SKI: variants seen among roughly 807,000 people sequenced by gnomAD.
SKI encodes SKI proto-oncogene, also known as ski oncogene.
Under a neutral mutation model 59.3 loss-of-function variants are expected in SKI, and 23 were observed. The observed-to-expected ratio is 0.39, with a 90% CI of 0.28 to 0.55. SKI has a LOEUF of 0.55. Among genes scored for constraint, SKI ranks in the 20% least tolerant of loss-of-function variants. The probability of loss-of-function intolerance (pLI) is 0.67; values close to 1 mark genes in which losing one functional copy is unlikely to be tolerated. For synonymous variants in SKI, 673 were observed against 488.6 expected (o/e 1.38, Z -4.98); for missense variants, 1,017 against 1,038.9 (o/e 0.98, Z 0.29).
chr1:2,237,986 C>A (rs1638788027), intron 1 of SKI, among the ~76,000 whole-genome samples: 1 of 152,200 alleles, frequency 6.6e-6, no homozygotes, highest in African/African-American at 2.4e-5. Flanking sequence ...GGGCGTCTCT[C>A]CCCGGTGCCC....
rs151153299 is a variant in SKI at position 2,290,805 on chromosome 1, C to T, written c.970-12173C>T. ...GGGGATGGCAGGACGCATTGTCACC[C>T]CCTCCTGCCGCTCTTACGAAACACT... On this transcript the variant is annotated intron_variant, in intron 1 of 6. Transcript: ENST00000378536. 7.0e-3 allele frequency among the ~76,000 whole-genome samples: 1,070 copies of T among 152,304 alleles called. 15 individuals carry two copies. The highest frequency in any genetic ancestry group is 0.024 in the African/African-American group (1,012 of 41,570).
intron 1 of SKI, among the ~76,000 whole-genome samples, chr1:2,272,092 G>A (rs1393746945): frequency 6.6e-6 from 1 of 152,204 alleles, no homozygotes; most frequent in Non-Finnish European, 1.5e-5. Flanking sequence ...CCAGGCCTGC[G>A]TCCTGCAAAG....
chr1:2,288,429 T>G (rs1640091641), intron 1 of SKI, among the ~76,000 whole-genome samples: 1 of 152,236 alleles, frequency 6.6e-6, no homozygotes, highest in South Asian at 2.1e-4. Flanking sequence ...GCAGGGCTGT[T>G]TACTTAAAGG....
chr1:2,250,141 A>G (rs1639106649), intron 1 of SKI, among the ~76,000 whole-genome samples: 1 of 152,154 alleles, frequency 6.6e-6, no homozygotes, highest in African/African-American at 2.4e-5. Flanking sequence ...CCTGACCTCA[A>G]GTGATGCAGC....
In SKI at chr1:2,303,351, G is replaced by A. The variant is rs376736872; in HGVS notation, c.1162G>A (p.Ala388Thr). 2.9e-5 allele frequency: 47 copies of A among 1,613,694 alleles called. No individual in the cohort carries two copies. The highest frequency in any genetic ancestry group is 3.7e-5 in the Non-Finnish European group (44 of 1,180,046). The stretch of plus-strand genomic sequence containing the variant: ...CCGACCCTGGTCCCCCGCAGTGTCA[G>A]CGAGTGAGAAAGAGCTCTCCCCACA... ...AFRPWSPAVSASEKELSPHLP... is the reference protein window; with the variant it reads ...AFRPWSPAVSTSEKELSPHLP... The change falls in exon 3 of 7, where the codon GCG becomes ACG. Residue 388 changes from alanine (A) to threonine (T), a missense_variant. Coordinates refer to ENST00000378536, the MANE Select transcript of SKI (RefSeq NM_003036.4). The surrounding 1 kb of genome is among the most constrained non-coding windows in gnomAD (Gnocchi z 5.6).
rs1638742157 is a variant in SKI at position 2,235,976 on chromosome 1, C to T, written c.969+6241C>T. On this transcript the variant is annotated intron_variant, in intron 1 of 6. Transcript: ENST00000378536. ...AAGGGGGCTTTGAGAGGCGTCTCGG[C>T]GTGATCCTGGGAAACGGCCGAGATT... Among the ~76,000 whole-genome samples, 3 of 152,212 alleles carry T rather than the reference C, an allele frequency of 2.0e-5. No individual in the cohort carries two copies. In the South Asian group the frequency reaches 6.2e-4, roughly 31 times the overall value.
intron 1 of SKI, among the ~76,000 whole-genome samples, chr1:2,250,064 C>G (rs531678792): frequency 6.6e-6 from 1 of 152,112 alleles, no homozygotes; most frequent in Admixed American, 6.5e-5. Context: ...GCCCACCACG[C>G]CCGGCTAATA....
In SKI at chr1:2,228,877, T is replaced by C. The variant is rs2100789581; in HGVS notation, c.111T>C (p.Ala37=). The C allele has an allele frequency of 7.0e-7, 1 of 1,425,840 alleles. No individual in the cohort carries two copies. Among genetic ancestry groups the C allele is most frequent in the Non-Finnish European group, 9.2e-7 (1 of 1,085,576 alleles). 88.3% of individuals were successfully genotyped at this position (1,425,840 alleles called of 1,614,324 possible). The change falls in exon 1 of 7, where the codon GCT becomes GCC. Residue 37 remains alanine (A), a synonymous_variant. Coordinates refer to ENST00000378536, the MANE Select transcript of SKI (RefSeq NM_003036.4). The stretch of plus-strand genomic sequence containing the variant: ...TGAGCTCGCTGGGCGGCCCGGCCGC[T>C]TTCTCGGCGCGCTGGGCGCAGGAGG... ...SSMSSLGGPA[A]FSARWAQEAY... is the part of the protein sequence containing the mutation.
intron 1 of SKI, among the ~76,000 whole-genome samples, chr1:2,246,860 G>GC (rs1491537317): frequency 1.3e-5 from 2 of 150,920 alleles, no homozygotes; most frequent in African/African-American, 2.4e-5. Flanking sequence ...TGATGGGGGG[G>GC]GCCTCAGGAA....
chr1:2,240,379 C>A, intron 1 of SKI: 1 of 599,276 alleles, frequency 1.7e-6, no homozygotes, highest in Non-Finnish European at 2.1e-6. Context: ...AAATGTGGGC[C>A]AGGCAGGTCT....
At chr1:2,230,013 G>C (rs1638596424) in intron 1 of SKI, among the ~76,000 whole-genome samples, 1 of 152,232 alleles carries the variant, frequency 6.6e-6, no homozygotes, top group Non-Finnish European at 1.5e-5. Context: ...AAGGCCCGCA[G>C]GCCCACAGGC....
Position 2,245,726 on chromosome 1 carries a change from T to C in SKI, c.969+15991T>C, listed in dbSNP as rs556634031. Among the ~76,000 whole-genome samples, 6 of 151,376 alleles carry C rather than the reference T, an allele frequency of 4.0e-5. No individual in the cohort carries two copies. In the East Asian group the frequency reaches 9.8e-4, roughly 25 times the overall value. Reference sequence around the variant, plus strand: ...CTTGACCTTATGTGACCTGCCCGCCTTGGCCTCCTAAAGTGCTGGGATTAC... The same window carrying C: ...CTTGACCTTATGTGACCTGCCCGCCCTGGCCTCCTAAAGTGCTGGGATTAC... On this transcript the variant is annotated intron_variant, in intron 1 of 6. Coordinates refer to ENST00000378536, the MANE Select transcript of SKI (RefSeq NM_003036.4).
chr1:2,232,844 A>T (rs973856393), intron 1 of SKI, among the ~76,000 whole-genome samples: 3 of 152,220 alleles, frequency 2.0e-5, no homozygotes, highest in African/African-American at 7.2e-5. Flanking sequence ...TTTGAGTGGT[A>T]CAGGTGGGGC....
intron 1 of SKI, among the ~76,000 whole-genome samples, chr1:2,254,645 A>G (rs1033910139): frequency 6.6e-6 from 1 of 152,102 alleles, no homozygotes; most frequent in African/African-American, 2.4e-5. Context: ...GGGAGGGGTG[A>G]AGTGGACTGG....
At chr1:2,287,898 G>A (rs939689840) in intron 1 of SKI, among the ~76,000 whole-genome samples, 19 of 152,252 alleles carry the variant, frequency 1.2e-4, no homozygotes, top group East Asian at 1.9e-4. Context: ...CCTGAGCCCC[G>A]CCTTGAGCCC....
At chr1:2,252,606 GC>G (rs59705675) in intron 1 of SKI, among the ~76,000 whole-genome samples, 82,255 of 152,032 alleles carry the variant, frequency 0.54, 22,735 homozygotes, top group East Asian at 0.83. Flanking sequence ...GAAGGGAGCA[GC>G]CCCTTGCTCA....
intron 4 of SKI, 78 bp from the exon 5 acceptor site, chr1:2,304,215 C>G (rs1640506863): frequency 1.3e-6 from 2 of 1,558,826 alleles, no homozygotes; most frequent in African/African-American, 1.4e-5. Context: ...GCAGGTTCCT[C>G]CGGGAGCGGC....
chr1:2,292,784 G>T (rs946072487), intron 1 of SKI, among the ~76,000 whole-genome samples: 1 of 152,244 alleles, frequency 6.6e-6, no homozygotes, highest in Non-Finnish European at 1.5e-5. Flanking sequence ...TTGAGGAGGT[G>T]GGGGTGGTCT....
intron 1 of SKI, chr1:2,240,733 A>T (rs1479015435): frequency 2.0e-6 from 2 of 985,306 alleles, no homozygotes; most frequent in East Asian, 2.3e-4. Context: ...GGTGGCGCAG[A>T]CACGGACTTC....
Sources: allele counts gnomAD v4.1 joint callset (sites outside exome capture counted in the v4.1 genomes callset), GRCh38; gene constraint gnomAD v4.1.1; non-coding constraint Gnocchi (gnomAD v3.1); transcripts MANE v1.5; gene names NCBI Gene and HGNC (gene_info 2026-07-23, HGNC 2026-07-21).